Variants in CNTN5 observed in about 807,000 individuals in gnomAD.
CNTN5 encodes contactin-5.
In CNTN5, 77 loss-of-function variants were observed where a neutral mutation model predicts 129.1. The ratio of observed to expected loss-of-function variants is 0.60; its 90% CI spans 0.50 to 0.72. The LOEUF is 0.72. CNTN5 is among the 30% of genes least tolerant of loss of function. The pLI is 0.00. For missense variants in CNTN5, 1,478 were observed against 1,328.8 expected (o/e 1.11, Z -1.75); for synonymous variants, 509 against 465.6 (o/e 1.09, Z -1.20).
At chr11:99,205,724 T>C (rs1447118615) in intron 1 of CNTN5, among the ~76,000 whole-genome samples, 2 of 152,198 alleles carry the variant, frequency 1.3e-5, no homozygotes, top group Non-Finnish European at 2.9e-5. Flanking sequence ...GTTAATTAGC[T>C]TGACTGTAGT....
chr11:99,051,656 TGAGA>T (rs749531085), intron 1 of CNTN5, among the ~76,000 whole-genome samples: 88 of 152,026 alleles, frequency 5.8e-4, no homozygotes, highest in Middle Eastern at 3.4e-3. Flanking sequence ...AAATATTTGC[TGAGA>T]GAATCACTGA....
intron 3 of CNTN5, among the ~76,000 whole-genome samples, chr11:99,629,412 T>A (rs1951254208): frequency 6.6e-6 from 1 of 152,028 alleles, no homozygotes; most frequent in Non-Finnish European, 1.5e-5. Flanking sequence ...TCTTTACTCT[T>A]CTGGAACAGA....
chr11:100,228,053 G>T (rs1290285153), intron 16 of CNTN5, among the ~76,000 whole-genome samples: 1 of 152,166 alleles, frequency 6.6e-6, no homozygotes, highest in Non-Finnish European at 1.5e-5. Context: ...GGAAACTAAA[G>T]AATAATATGT....
At chr11:99,062,551 A>G (rs1015788267) in intron 1 of CNTN5, among the ~76,000 whole-genome samples, 2 of 152,136 alleles carry the variant, frequency 1.3e-5, no homozygotes, top group South Asian at 2.1e-4. Context: ...TATTGTGAGA[A>G]ACATTTATAA....
Position 99,033,333 on chromosome 11 carries a change from C to T in CNTN5, c.-210+12063C>T, listed in dbSNP as rs909428707. 9.2e-4 allele frequency among the ~76,000 whole-genome samples: 140 copies of T among 152,190 alleles called. 1 individual carries two copies. The highest frequency in any genetic ancestry group is 3.2e-3 in the African/African-American group (133 of 41,520). Reference sequence around the variant, plus strand: ...GTCATTGGTAGCTTGATGGGAGTGGCATTGAATCTGTAAATTACCTTGGGC... The same window carrying T: ...GTCATTGGTAGCTTGATGGGAGTGGTATTGAATCTGTAAATTACCTTGGGC... On this transcript the variant is annotated intron_variant, in intron 1 of 24. Coordinates refer to ENST00000524871, the MANE Select transcript of CNTN5 (RefSeq NM_014361.4).
intron 21 of CNTN5, chr11:100,309,272 T>C: frequency 2.0e-6 from 2 of 983,926 alleles, no homozygotes; most frequent in Non-Finnish European, 2.4e-6. Context: ...TCATCTTGTG[T>C]CTTGAACAAT....
At chr11:99,093,710 C>T (rs1172128641) in intron 1 of CNTN5, among the ~76,000 whole-genome samples, 1 of 151,884 alleles carries the variant, frequency 6.6e-6, no homozygotes, top group Non-Finnish European at 1.5e-5. Context: ...AATAACCACC[C>T]CTGAGTTTAT....
chr11:100,100,655 T>A (rs1421142033), intron 13 of CNTN5, among the ~76,000 whole-genome samples: 1 of 152,122 alleles, frequency 6.6e-6, no homozygotes, highest in Non-Finnish European at 1.5e-5. Flanking sequence ...AATCAAAAAC[T>A]ACAGTTTCAG....
At chr11:99,611,513 T>C (rs544853291) in intron 3 of CNTN5, among the ~76,000 whole-genome samples, 1 of 152,168 alleles carries the variant, frequency 6.6e-6, no homozygotes, top group Non-Finnish European at 1.5e-5. Context: ...TCAAATTCTC[T>C]AAGTGTGCAT....
chr11:99,626,846 A>G (rs1951151294), intron 3 of CNTN5, among the ~76,000 whole-genome samples: 1 of 152,144 alleles, frequency 6.6e-6, no homozygotes, highest in African/African-American at 2.4e-5. Flanking sequence ...ATCATTATAC[A>G]TTCTATGCAT....
intron 2 of CNTN5, among the ~76,000 whole-genome samples, chr11:99,498,199 T>C (rs1946298644): frequency 6.6e-6 from 1 of 152,192 alleles, no homozygotes; most frequent in Admixed American, 6.5e-5. Flanking sequence ...AAAATAGTGA[T>C]CTCTAAACAG....
At chr11:99,403,163 T>G (rs1307250201) in intron 2 of CNTN5, among the ~76,000 whole-genome samples, 1 of 151,762 alleles carries the variant, frequency 6.6e-6, no homozygotes, top group African/African-American at 2.4e-5. Context: ...CCTACCACCA[T>G]GCCTGGCTAA....
At chr11:99,030,883 C>G (rs80080012) in intron 1 of CNTN5, among the ~76,000 whole-genome samples, 6,379 of 151,554 alleles carry the variant, frequency 0.042, 474 homozygotes, top group East Asian at 0.23. Context: ...CGGGTTCACG[C>G]CATTCTGCTG....
intron 1 of CNTN5, among the ~76,000 whole-genome samples, chr11:99,284,084 G>A (rs1565461446): frequency 3.3e-5 from 5 of 152,238 alleles, no homozygotes; most frequent in African/African-American, 9.6e-5. Context: ...CACATTCCAA[G>A]ATTTAAAGTG....
chr11:99,293,009 G>T (rs939000986), intron 1 of CNTN5, among the ~76,000 whole-genome samples: 29 of 152,064 alleles, frequency 1.9e-4, no homozygotes, highest in African/African-American at 6.5e-4. Context: ...AATTTCTATT[G>T]TTCATAGTGG....
chr11:99,889,659 C>A (rs1172709546), intron 6 of CNTN5, among the ~76,000 whole-genome samples: 2 of 151,562 alleles, frequency 1.3e-5, no homozygotes, highest in Non-Finnish European at 2.9e-5. Context: ...CCTCAGCCTC[C>A]CGAGTAGCTG....
intron 2 of CNTN5, among the ~76,000 whole-genome samples, chr11:99,364,256 T>A (rs1939308617): frequency 6.6e-6 from 1 of 152,164 alleles, no homozygotes; most frequent in South Asian, 2.1e-4. Context: ...GAAATATCAA[T>A]ATGCTATATT....
At chr11:99,110,492 T>C (rs7120207) in intron 1 of CNTN5, among the ~76,000 whole-genome samples, 38,335 of 152,154 alleles carry the variant, frequency 0.25, 5,212 homozygotes, top group Middle Eastern at 0.31. Flanking sequence ...GGGATGCTAA[T>C]AGCTGTGAGG....
At chr11:99,961,097 C>G (rs994225457) in intron 8 of CNTN5, among the ~76,000 whole-genome samples, 1 of 148,802 alleles carries the variant, frequency 6.7e-6, no homozygotes, top group East Asian at 2.1e-4. Flanking sequence ...CCCCACTACC[C>G]GGGAGGCTGA....
Sources: gnomAD v4.1 joint callset for allele counts (sites outside exome capture counted in the v4.1 genomes callset) on GRCh38, gnomAD v4.1.1 for gene constraint, MANE v1.5 for transcripts, NCBI Gene and HGNC (gene_info 2026-07-23, HGNC 2026-07-21) for gene names.